PFKFB2: variants seen among roughly 807,000 people sequenced by gnomAD.
PFKFB2 encodes 6-phosphofructo-2-kinase/fructose-2,6-bisphosphatase 2.
In PFKFB2, 53 loss-of-function variants were observed where a neutral mutation model predicts 68.0. The ratio of observed to expected loss-of-function variants is 0.78; its 90% CI spans 0.63 to 0.98. The LOEUF is 0.98. PFKFB2 is among the 50% of genes least tolerant of loss of function. PFKFB2 has a pLI of 0.00. For missense variants in PFKFB2, 451 were observed against 642.0 expected (o/e 0.70, Z 3.22); for synonymous variants, 222 against 227.6 (o/e 0.98, Z 0.22).
At chr1:207,067,356 T>G in intron 8 of PFKFB2, 143 bp from the exon 9 acceptor site, 1 of 619,010 alleles carries the variant, frequency 1.6e-6, no homozygotes, top group South Asian at 2.0e-5. Context: ...TCCTACCATT[T>G]GGTTCCATAA....
In PFKFB2 at chr1:207,076,711, A is replaced by G. The variant is rs1683635839; in HGVS notation, c.*4340A>G. On this transcript the variant is annotated 3_prime_UTR_variant, in exon 15 of 15. Coordinates refer to ENST00000367080, the MANE Select transcript of PFKFB2 (RefSeq NM_006212.2). ...CTATATGTTGACCAACTGGTAGACC[A>G]GGAGGATCTGTGTGCTGATTGACTC... 1 of 801,260 alleles carries G rather than the reference A, an allele frequency of 1.2e-6. No homozygotes were observed. Among genetic ancestry groups the G allele is most frequent in the African/African-American group, 2.5e-5 (1 of 40,180 alleles). The allele number at this position is 801,260 out of a possible 1,614,324, so 49.6% of individuals were successfully genotyped here. A position where few individuals can be genotyped will look rare whatever the true frequency, so the allele number is the denominator to read the frequency against.
At chr1:207,062,343 A>G (rs1325763336) in intron 3 of PFKFB2, among the ~76,000 whole-genome samples, 1 of 152,202 alleles carries the variant, frequency 6.6e-6, no homozygotes, top group Non-Finnish European at 1.5e-5. Context: ...GAAGCCTTAC[A>G]TGGACATCAT....
upstream of PFKFB2, chr1:207,052,383 C>A: frequency 1.6e-6 from 1 of 632,792 alleles, no homozygotes. Context: ...CCGGGGTGGC[C>A]GGGCGCAGTG....
chr1:207,061,900 A>G, intron 2 of PFKFB2, 53 bp from the exon 3 acceptor site: 1 of 1,522,874 alleles, frequency 6.6e-7, no homozygotes, highest in Non-Finnish European at 9.1e-7. Context: ...AACACCAAAA[A>G]ACCTTACTAG....
upstream of PFKFB2, chr1:207,052,773 A>T (rs570509536): frequency 2.4e-4 from 37 of 156,872 alleles, no homozygotes; most frequent in South Asian, 4.5e-3. Context: ...ACAGCGTCTG[A>T]CCTGTGGAGC....
intron 1 of PFKFB2, 51 bp from the exon 2 acceptor site, chr1:207,054,650 A>C: frequency 1.6e-6 from 2 of 1,283,776 alleles, no homozygotes; most frequent in Middle Eastern, 1.8e-4. Context: ...TTTTTAAGTT[A>C]TGTCTTCTTT....
chr1:207,079,546 T>G (rs1345085531), downstream of PFKFB2: 1 of 153,800 alleles, frequency 6.5e-6, no homozygotes, highest in African/African-American at 2.4e-5. Context: ...TTCTGAGAAA[T>G]TCAGTCCCTA....
intron 14 of PFKFB2, among the ~76,000 whole-genome samples, chr1:207,071,881 G>A (rs1190460320): frequency 6.6e-6 from 1 of 152,216 alleles, no homozygotes; most frequent in East Asian, 1.9e-4. Flanking sequence ...TTAGAAAGCA[G>A]AGTCCAGAGG....
intron 1 of PFKFB2, among the ~76,000 whole-genome samples, chr1:207,035,670 C>CAAA (rs1418254482): frequency 1.0e-4 from 15 of 148,938 alleles, no homozygotes; most frequent in African/African-American, 3.4e-4. Context: ...AACAAACAAA[C>CAAA]AAACAAAAAA....
chr1:207,073,864 A>C lies in PFKFB2; in HGVS notation c.*1493A>C, dbSNP rs1224537035. On this transcript the variant is annotated 3_prime_UTR_variant, in exon 15 of 15. Transcript: ENST00000367080. ...TCTGAGAGGCAAGTTTAGGGTTCTC[A>C]TGGGATTTTAAAAAGAGATAGGTGA... The C allele has an allele frequency of 3.0e-6, 3 of 985,368 alleles. No homozygotes were observed. Among genetic ancestry groups the C allele is most frequent in the Non-Finnish European group, 3.6e-6 (3 of 829,878 alleles). The allele number at this position is 985,368 out of a possible 1,614,324, so 61.0% of individuals were successfully genotyped here.
chr1:207,035,863 C>T (rs1483047918), intron 1 of PFKFB2, among the ~76,000 whole-genome samples: 1 of 152,126 alleles, frequency 6.6e-6, no homozygotes, highest in African/African-American at 2.4e-5. Flanking sequence ...GAGGTGCTAA[C>T]ATGCGTACTC....
At chr1:207,054,601 T>A in intron 1 of PFKFB2, 100 bp from the exon 2 acceptor site, 1 of 694,626 alleles carries the variant, frequency 1.4e-6, no homozygotes, top group Non-Finnish European at 2.4e-6. Flanking sequence ...TGGCCCAGGG[T>A]GTTTTTACTT....
At chr1:207,049,324 C>T (rs750247312), upstream of PFKFB2, 3 of 1,613,976 alleles carry the variant, frequency 1.9e-6, no homozygotes, top group East Asian at 2.2e-5. Flanking sequence ...TTCCCCAAAA[C>T]GATCAATTCT....
chr1:207,052,139 C>A (rs772418774), upstream of PFKFB2: 1 of 1,588,728 alleles, frequency 6.3e-7, no homozygotes, highest in Non-Finnish European at 8.6e-7. Flanking sequence ...CAAACGGGCC[C>A]GCTGGGGCAA....
At chr1:207,065,427 T>C (rs1277226207) in intron 8 of PFKFB2, 1 of 389,598 alleles carries the variant, frequency 2.6e-6, no homozygotes, top group African/African-American at 2.2e-5. Flanking sequence ...CAGGGCCCAC[T>C]GCAACTGCTG....
Position 207,054,707 on chromosome 1 carries a change from G to A in PFKFB2, c.-11G>A, listed in dbSNP as rs778195069. The A allele has an allele frequency of 5.6e-6, 9 of 1,606,766 alleles. No homozygotes were observed. The highest frequency in any genetic ancestry group is 7.7e-6 in the Non-Finnish European group (9 of 1,173,980). On this transcript the variant is annotated 5_prime_UTR_variant, in exon 2 of 15. Transcript: ENST00000367080. Reference sequence around the variant, plus strand: ...TTCTACTTCTCTGTTTCAGACATCTGAAGAGCTGCCATGTCTGGGGCATCT... The same window carrying A: ...TTCTACTTCTCTGTTTCAGACATCTAAAGAGCTGCCATGTCTGGGGCATCT...
At chr1:207,053,632 T>C (rs1243435105) in intron 1 of PFKFB2, among the ~76,000 whole-genome samples, 1 of 152,200 alleles carries the variant, frequency 6.6e-6, no homozygotes, top group Non-Finnish European at 1.5e-5. Flanking sequence ...CTCAGGACTT[T>C]CCCACTCCAG....
rs149244901 is a variant in PFKFB2, at chr1:207,042,135, T to C, written c.-61-34T>C. 1.8e-4 allele frequency: 28 copies of C among 152,328 alleles called. No individual in the cohort carries two copies. In the East Asian group the frequency reaches 5.4e-3, roughly 29 times the overall value. The allele number at this position is 152,328 out of a possible 1,614,324, so 9.4% of individuals were successfully genotyped here. ...TCCCAAAATTTGAAGTTAGCTAACA[T>C]GTCAATCTCTTCTTTTCCCCCTCAT... is the stretch of plus-strand genomic sequence containing the variant. On this transcript the variant is annotated intron_variant, in intron 1 of 5. Coordinates refer to the PFKFB2 transcript ENST00000545806.
At chr1:207,035,113 C>G (rs1169072121) in intron 1 of PFKFB2, 1 of 969,164 alleles carries the variant, frequency 1.0e-6, no homozygotes, top group Admixed American at 6.2e-5. Context: ...TATGTAAATG[C>G]CTGTTTGATG....
Sources: allele counts gnomAD v4.1 joint callset (sites outside exome capture counted in the v4.1 genomes callset), GRCh38; gene constraint gnomAD v4.1.1; transcripts MANE v1.5; gene names NCBI Gene and HGNC (gene_info 2026-07-23, HGNC 2026-07-21).